The following VAC14 variants were observed in gnomAD, a reference collection of about 807,000 sequenced individuals.
VAC14 encodes VAC14 component of PIKFYVE complex, also known as protein VAC14 homolog.
In VAC14, 47 loss-of-function variants were observed where a neutral mutation model predicts 85.3. The ratio of observed to expected loss-of-function variants is 0.55; its 90% CI spans 0.44 to 0.70. VAC14 has a LOEUF of 0.70. Among genes scored for constraint, VAC14 ranks in the 30% least tolerant of loss-of-function variants. VAC14 has a pLI of 0.00. For synonymous variants in VAC14, 447 were observed against 430.5 expected (o/e 1.04, Z -0.47); for missense variants, 861 against 1,004.3 (o/e 0.86, Z 1.93).
At chr16:70,738,937 G>A (rs947072186) in intron 13 of VAC14, among the ~76,000 whole-genome samples, 21 of 152,186 alleles carry the variant, frequency 1.4e-4, no homozygotes, top group African/African-American at 4.8e-4. Flanking sequence ...GAACAGATGT[G>A]AACTTCACCA....
chr16:70,790,068 G>C (rs2034265924), intron 1 of VAC14, among the ~76,000 whole-genome samples: 1 of 152,192 alleles, frequency 6.6e-6, no homozygotes, highest in African/African-American at 2.4e-5. Context: ...CTGCCCCCAA[G>C]GAGCTCTCTG....
At chr16:70,787,903 G>A (rs1478057549) in intron 1 of VAC14, among the ~76,000 whole-genome samples, 2 of 152,222 alleles carry the variant, frequency 1.3e-5, no homozygotes, top group African/African-American at 4.8e-5. Context: ...CTGTCTTAAG[G>A]AGCCTGGAGA....
intron 7 of VAC14, 81 bp downstream of exon 7, chr16:70,782,952 G>C (rs2033881248): frequency 5.5e-6 from 7 of 1,277,964 alleles, no homozygotes; most frequent in Middle Eastern, 2.1e-4. Flanking sequence ...CTGAAGCTGA[G>C]ATGGTGAAAG....
chr16:70,696,241 G>C (rs912856027), intron 16 of VAC14, among the ~76,000 whole-genome samples: 9 of 152,160 alleles, frequency 5.9e-5, no homozygotes, highest in African/African-American at 1.7e-4. Context: ...GGCCAGGCGC[G>C]GTGGCTCACA....
At chr16:70,745,516 T>TGTGC (rs2030797548) in intron 12 of VAC14, among the ~76,000 whole-genome samples, 2 of 141,852 alleles carry the variant, frequency 1.4e-5, no homozygotes, top group Non-Finnish European at 3.0e-5. Context: ...TGTGTGTGTG[T>TGTGC]GTGCGCGTGT....
chr16:70,763,152 G>A (rs1427429123), intron 10 of VAC14, 127 bp from the exon 11 acceptor site: 110 of 1,354,302 alleles, frequency 8.1e-5, no homozygotes, highest in Non-Finnish European at 1.0e-4. Context: ...TAGGGGGATC[G>A]GGGGTCAGGG....
chr16:70,779,598 T>A (rs1270483869), intron 9 of VAC14, among the ~76,000 whole-genome samples: 2 of 152,168 alleles, frequency 1.3e-5, no homozygotes, highest in Non-Finnish European at 2.9e-5. Flanking sequence ...CACAGCTTGA[T>A]GTATAACAGA....
intron 14 of VAC14, among the ~76,000 whole-genome samples, chr16:70,720,784 T>C (rs1023844474): frequency 3.3e-5 from 5 of 152,208 alleles, no homozygotes; most frequent in African/African-American, 1.2e-4. Flanking sequence ...GTTGGGGCTA[T>C]CCGCCCATGT....
At chr16:70,784,295 G>A in intron 4 of VAC14, 75 bp from the exon 5 acceptor site, 1 of 1,301,300 alleles carries the variant, frequency 7.7e-7, no homozygotes, top group Non-Finnish European at 1.1e-6. Context: ...CACTTGCCCA[G>A]GGCTGGCTCC....
intron 18 of VAC14, chr16:70,690,150 A>C (rs111230499): frequency 7.1e-6 from 7 of 985,618 alleles, no homozygotes; most frequent in African/African-American, 5.2e-5. Context: ...GGGTGGGAAG[A>C]GTGGGCCACA....
rs145619264 is a variant in VAC14 at position 70,720,485 on chromosome 16, G to A, written c.1661+11010C>T. Among the ~76,000 whole-genome samples, 232 of 152,244 alleles carry A rather than the reference G, an allele frequency of 1.5e-3. 1 individual carries two copies. Among genetic ancestry groups the A allele is most frequent in the Non-Finnish European group, 2.0e-3 (135 of 68,026 alleles). ...AAGGGAGAACGCTTCCCGGGGAGAC[G>A]GCAAGACCAAGCTGAAAACAAGACA... On this transcript the variant is annotated intron_variant, in intron 14 of 18. Transcript: ENST00000261776.
chr16:70,764,699 C>A (rs1299894520), intron 10 of VAC14, among the ~76,000 whole-genome samples: 1 of 152,186 alleles, frequency 6.6e-6, no homozygotes, highest in Non-Finnish European at 1.5e-5. Context: ...ACATTCCCAA[C>A]AAAATCTATT....
intron 14 of VAC14, among the ~76,000 whole-genome samples, chr16:70,703,678 C>G (rs948755062): frequency 2.6e-5 from 4 of 152,320 alleles, no homozygotes; most frequent in East Asian, 1.9e-4. Flanking sequence ...AGCTGCTCCC[C>G]CTTCCAGGTC....
chr16:70,717,362 G>C (rs1181587018), intron 14 of VAC14, among the ~76,000 whole-genome samples: 1 of 152,244 alleles, frequency 6.6e-6, no homozygotes, highest in African/African-American at 2.4e-5. Flanking sequence ...AGGACTTGAG[G>C]ACAGGAGGTG....
chr16:70,768,275 G>T (rs1013108990), intron 10 of VAC14: 1 of 156,298 alleles, frequency 6.4e-6, no homozygotes, highest in Admixed American at 6.1e-5. Context: ...GGAAACTGAG[G>T]CGGGGGAAAT....
At chr16:70,704,036 C>G (rs2053877261) in intron 14 of VAC14, among the ~76,000 whole-genome samples, 1 of 152,222 alleles carries the variant, frequency 6.6e-6, no homozygotes, top group African/African-American at 2.4e-5. Context: ...ACTGTCCCTC[C>G]CATCACTAAC....
chr16:70,697,769 C>G (rs1180704146), intron 15 of VAC14, among the ~76,000 whole-genome samples: 1 of 152,202 alleles, frequency 6.6e-6, no homozygotes, highest in Non-Finnish European at 1.5e-5. Flanking sequence ...AAGGCCTCTG[C>G]GAATGTCTGG....
chr16:70,710,217 A>G (rs1391615142), intron 14 of VAC14, among the ~76,000 whole-genome samples: 4 of 152,204 alleles, frequency 2.6e-5, no homozygotes, highest in South Asian at 4.1e-4. Context: ...GTTCCCATGA[A>G]CATGTTCCCA....
chr16:70,768,260 G>T (rs1331121495), intron 10 of VAC14: 1 of 156,270 alleles, frequency 6.4e-6, no homozygotes, highest in African/African-American at 2.4e-5. Flanking sequence ...TGAGTTTAAA[G>T]ATGAGGAAAC....
Sources: gnomAD v4.1 joint callset for allele counts (sites outside exome capture counted in the v4.1 genomes callset) on GRCh38, gnomAD v4.1.1 for gene constraint, MANE v1.5 for transcripts, NCBI Gene and HGNC (gene_info 2026-07-23, HGNC 2026-07-21) for gene names.